PTPRM: variants seen among roughly 807,000 people sequenced by gnomAD.
The protein encoded by PTPRM is protein tyrosine phosphatase receptor type M, also known as receptor-type tyrosine-protein phosphatase mu.
Under a neutral mutation model 186.7 loss-of-function variants are expected in PTPRM, and 47 were observed. The observed-to-expected ratio is 0.25, with a 90% CI of 0.20 to 0.32. The LOEUF (loss-of-function observed/expected upper bound fraction) is 0.32, where lower values mean the gene tolerates loss of function less well. Among genes scored for constraint, PTPRM ranks in the 10% least tolerant of loss-of-function variants. The probability of loss-of-function intolerance (pLI) is 1.00; values close to 1 mark genes in which losing one functional copy is unlikely to be tolerated. For synonymous variants in PTPRM, 668 were observed against 674.9 expected, an observed-to-expected ratio of 0.99 and a Z score of 0.16; for missense variants, 1,494 against 1,865.0, an observed-to-expected ratio of 0.80 and a Z score of 3.66.
At chr18:7,854,412 T>C (rs1475308310) in intron 2 of PTPRM, among the ~76,000 whole-genome samples, 1 of 152,162 alleles carries the variant, frequency 6.6e-6, no homozygotes, top group Non-Finnish European at 1.5e-5. Flanking sequence ...AAGTCAATTT[T>C]CTATGTAAAA....
intron 2 of PTPRM, among the ~76,000 whole-genome samples, chr18:7,828,716 A>G (rs919058850): frequency 6.6e-5 from 10 of 152,354 alleles, no homozygotes; most frequent in Middle Eastern, 3.4e-3. Context: ...GAAAGAGATT[A>G]GTCAAATGCA....
intron 1 of PTPRM, among the ~76,000 whole-genome samples, chr18:7,623,957 T>C (rs2037999668): frequency 6.6e-6 from 1 of 152,020 alleles, no homozygotes; most frequent in Admixed American, 6.6e-5. Flanking sequence ...GAGACCAAAT[T>C]ATGAGAGAAG....
At chr18:8,079,427 C>T (rs1357055616) in intron 9 of PTPRM, among the ~76,000 whole-genome samples, 1 of 152,096 alleles carries the variant, frequency 6.6e-6, no homozygotes, top group Non-Finnish European at 1.5e-5. Context: ...CAGAAGTATT[C>T]AAAATAAAAT....
At chr18:8,342,580 C>T (rs1005364093) in intron 22 of PTPRM, among the ~76,000 whole-genome samples, 8 of 152,188 alleles carry the variant, frequency 5.3e-5, no homozygotes, top group Admixed American at 1.3e-4. Context: ...CTCTCCAAGC[C>T]TTTGAAGTTG....
At chr18:7,738,264 C>A (rs550436089) in intron 1 of PTPRM, among the ~76,000 whole-genome samples, 2 of 152,262 alleles carry the variant, frequency 1.3e-5, no homozygotes, top group East Asian at 3.9e-4. Context: ...GCATAAAAAT[C>A]CATGCTTCGG....
intron 2 of PTPRM, among the ~76,000 whole-genome samples, chr18:7,882,575 A>G (rs1158089653): frequency 6.6e-6 from 1 of 152,252 alleles, no homozygotes; most frequent in Non-Finnish European, 1.5e-5. Flanking sequence ...GCAAAGACCA[A>G]TAATCTGTGG....
intron 7 of PTPRM, among the ~76,000 whole-genome samples, chr18:8,019,309 C>A (rs921830232): frequency 2.6e-5 from 4 of 152,154 alleles, no homozygotes; most frequent in Non-Finnish European, 1.5e-5. Context: ...ATTACTTGGA[C>A]TCATAAGAAT....
At position 7,567,789 on chromosome 18, in the gene PTPRM, C is replaced by G. The variant is rs1053233240; in HGVS notation, c.-30C>G. 1.3e-6 allele frequency: 2 copies of G among 1,512,770 alleles called. No individual in the cohort carries two copies. Among genetic ancestry groups the G allele is most frequent in the South Asian group, 2.5e-5 (2 of 78,660 alleles). The allele number at this position is 1,512,770 out of a possible 1,614,324, so 93.7% of individuals were successfully genotyped here. On this transcript the variant is annotated 5_prime_UTR_variant, in exon 1 of 33. Coordinates refer to ENST00000580170, the MANE Select transcript of PTPRM (RefSeq NM_001105244.2). This position sits in a 1 kb window ranked among gnomAD's most constrained non-coding sequence, Gnocchi z 4.3. The stretch of plus-strand genomic sequence containing the variant: ...CCCTCGCGCGCCCACCCACCGCCGC[C>G]GGGGAGCGGCCCGGCCCGCACTCAG...
intron 1 of PTPRM, among the ~76,000 whole-genome samples, chr18:7,578,717 C>T (rs1387773100): frequency 6.6e-6 from 1 of 151,776 alleles, no homozygotes; most frequent in Non-Finnish European, 1.5e-5. Context: ...AAGTGATCCT[C>T]CCACCTCAGC....
At chr18:8,253,810 A>G (rs1440560254) in intron 19 of PTPRM, among the ~76,000 whole-genome samples, 1 of 152,226 alleles carries the variant, frequency 6.6e-6, no homozygotes, top group Admixed American at 6.5e-5. Context: ...AGAAGTTCAC[A>G]TGCGTTACAT....
At chr18:7,784,626 A>G (rs1291129999) in intron 2 of PTPRM, among the ~76,000 whole-genome samples, 4 of 152,276 alleles carry the variant, frequency 2.6e-5, no homozygotes, top group South Asian at 2.1e-4. Flanking sequence ...CCAACCTTCT[A>G]TATTCTTCAG....
Position 7,801,739 on chromosome 18 carries a change from A to G in PTPRM, c.196+27468A>G, listed in dbSNP as rs546229647. On this transcript the variant is annotated intron_variant, in intron 2 of 32. Transcript: ENST00000580170. ...CATGAGCACTGCGTTGCACTATGAT[A>G]GGATGACTGTAGTGTCACTAGGCGA... 7.6e-4 allele frequency among the ~76,000 whole-genome samples: 116 copies of G among 152,340 alleles called. 1 individual carries two copies. Among genetic ancestry groups the G allele is most frequent in the Non-Finnish European group, 4.1e-4 (28 of 68,030 alleles).
chr18:7,955,669 A>G (rs1244264332), intron 7 of PTPRM, among the ~76,000 whole-genome samples: 1 of 152,106 alleles, frequency 6.6e-6, no homozygotes. Context: ...TCTGAGTACC[A>G]CATTGTTCAT....
At chr18:7,906,622 TGG>T in intron 4 of PTPRM, 39 bp downstream of exon 4, 1 of 1,445,074 alleles carries the variant, frequency 6.9e-7, no homozygotes, top group Non-Finnish European at 9.7e-7. Flanking sequence ...GGTACATCAT[TGG>T]GGGCATGTTT....
chr18:8,381,353 T>A (rs2095734152), intron 29 of PTPRM, among the ~76,000 whole-genome samples: 1 of 94,802 alleles, frequency 1.1e-5, no homozygotes, highest in Non-Finnish European at 2.0e-5. Context: ...ACACAAATTC[T>A]TTTTCTTAAA....
At position 7,883,393 on chromosome 18, in the gene PTPRM, T is replaced by A. The variant is rs572509728; in HGVS notation, c.197-4713T>A. ...ACAGACTTAATAGTCTAAAATTGAATATAAATGCTTTGAATTCTGTAATTC... is the reference window on the plus strand; with the variant it reads ...ACAGACTTAATAGTCTAAAATTGAAAATAAATGCTTTGAATTCTGTAATTC... On this transcript the variant is annotated intron_variant, in intron 2 of 32. Transcript: ENST00000580170. 2.9e-4 allele frequency among the ~76,000 whole-genome samples: 44 copies of A among 152,320 alleles called. 1 individual carries two copies. In the South Asian group the frequency reaches 8.5e-3, roughly 29 times the overall value.
chr18:8,189,854 T>C (rs746220032), intron 14 of PTPRM, among the ~76,000 whole-genome samples: 3 of 152,266 alleles, frequency 2.0e-5, no homozygotes, highest in Non-Finnish European at 4.4e-5. Context: ...ATAATTTGTT[T>C]GCATTTAAAA....
intron 19 of PTPRM, among the ~76,000 whole-genome samples, chr18:8,273,756 T>C (rs192041742): frequency 1.1e-4 from 17 of 152,294 alleles, no homozygotes; most frequent in African/African-American, 4.1e-4. Flanking sequence ...ACTGACAGTA[T>C]TTAGAAACAA....
At chr18:7,873,147 G>A (rs1229145822) in intron 2 of PTPRM, among the ~76,000 whole-genome samples, 1 of 152,042 alleles carries the variant, frequency 6.6e-6, no homozygotes, top group Non-Finnish European at 1.5e-5. Context: ...GTTCCATACT[G>A]TCATCATAAG....
Sources: gnomAD v4.1 joint callset for allele counts (sites outside exome capture counted in the v4.1 genomes callset) on GRCh38, gnomAD v4.1.1 for gene constraint, Gnocchi (gnomAD v3.1) non-coding constraint, MANE v1.5 for transcripts, NCBI Gene and HGNC (gene_info 2026-07-23, HGNC 2026-07-21) for gene names.